The following THSD7B variants were observed in gnomAD, a reference collection of about 807,000 sequenced individuals.
The protein encoded by THSD7B is thrombospondin type 1 domain containing 7B, also known as thrombospondin type-1 domain-containing protein 7B.
In THSD7B, 138 loss-of-function variants were observed where a neutral mutation model predicts 213.6. The observed-to-expected ratio is 0.65, with a 90% CI of 0.56 to 0.74. The LOEUF (loss-of-function observed/expected upper bound fraction) is 0.74. Among genes scored for constraint, THSD7B ranks in the 30% least tolerant of loss-of-function variants. The pLI, the probability that THSD7B is intolerant of heterozygous loss-of-function variation, is 0.00. For synonymous variants in THSD7B, 742 were observed against 687.0 expected (o/e 1.08, Z -1.25); for missense variants, 1,931 against 1,991.5 (o/e 0.97, Z 0.58).
intron 7 of THSD7B, among the ~76,000 whole-genome samples, chr2:137,223,593 C>CA (rs1401346424): frequency 6.6e-6 from 1 of 151,972 alleles, no homozygotes; most frequent in Non-Finnish European, 1.5e-5. Flanking sequence ...TTTTTAGGAA[C>CA]AAAAAAAGCC....
At chr2:137,060,959 C>G (rs955119118) in intron 3 of THSD7B, among the ~76,000 whole-genome samples, 2 of 151,842 alleles carry the variant, frequency 1.3e-5, no homozygotes, top group Non-Finnish European at 2.9e-5. Flanking sequence ...ATTGATAATA[C>G]TGAGTCATCC....
chr2:137,487,212 CAA>C (rs1688472029), intron 15 of THSD7B, among the ~76,000 whole-genome samples: 3 of 145,696 alleles, frequency 2.1e-5, no homozygotes, highest in Admixed American at 2.0e-4. Flanking sequence ...ACTAAAAATA[CAA>C]AAAATTAGCC....
At chr2:136,842,140 A>T (rs903934842) in intron 1 of THSD7B, among the ~76,000 whole-genome samples, 20 of 152,316 alleles carry the variant, frequency 1.3e-4, no homozygotes, top group Non-Finnish European at 2.9e-4. Context: ...TTTAAAGAAC[A>T]TCTTGCACTC....
intron 1 of THSD7B, among the ~76,000 whole-genome samples, chr2:136,837,852 C>T (rs2104952984): frequency 6.6e-6 from 1 of 152,244 alleles, no homozygotes; most frequent in South Asian, 2.1e-4. Context: ...CAACAATATC[C>T]TGGTCCTTTT....
At chr2:137,318,681 G>T (rs1237360162) in intron 12 of THSD7B, among the ~76,000 whole-genome samples, 1 of 150,840 alleles carries the variant, frequency 6.6e-6, no homozygotes, top group South Asian at 2.1e-4. Context: ...CTAATTGTCT[G>T]TGTTTAACTT....
chr2:137,111,615 T>G (rs2104935008), intron 4 of THSD7B, among the ~76,000 whole-genome samples: 1 of 152,282 alleles, frequency 6.6e-6, no homozygotes, highest in African/African-American at 2.4e-5. Flanking sequence ...AGTTCATTAG[T>G]GCGGTGCCTG....
chr2:137,007,554 T>C (rs949503893), intron 2 of THSD7B, among the ~76,000 whole-genome samples: 7 of 152,170 alleles, frequency 4.6e-5, no homozygotes, highest in Admixed American at 1.3e-4. Flanking sequence ...GAAGATGGCT[T>C]GTAAAATTTG....
chr2:137,282,487 T>C (rs1199360113), intron 12 of THSD7B, among the ~76,000 whole-genome samples: 1 of 152,216 alleles, frequency 6.6e-6, no homozygotes, highest in Non-Finnish European at 1.5e-5. Flanking sequence ...CCTGTGCCTA[T>C]GTCCTGAATG....
intron 1 of THSD7B, among the ~76,000 whole-genome samples, chr2:136,867,145 G>A (rs1440322030): frequency 6.6e-6 from 1 of 152,144 alleles, no homozygotes; most frequent in Non-Finnish European, 1.5e-5. Context: ...GGATGCTGCA[G>A]AGTCCACAGG....
chr2:136,787,360 G>A (rs969772487), intron 1 of THSD7B, among the ~76,000 whole-genome samples: 3 of 151,470 alleles, frequency 2.0e-5, no homozygotes, highest in African/African-American at 7.3e-5. Context: ...CTCTTTTTTA[G>A]CTCTCTAGGT....
At chr2:137,614,021 G>T (rs1379571500) in intron 17 of THSD7B, among the ~76,000 whole-genome samples, 2 of 152,114 alleles carry the variant, frequency 1.3e-5, no homozygotes, top group African/African-American at 2.4e-5. Context: ...AATACTGCCT[G>T]AGATGAGGCT....
chr2:137,418,872 T>C (rs1441854660), intron 14 of THSD7B, among the ~76,000 whole-genome samples: 3 of 152,082 alleles, frequency 2.0e-5, no homozygotes, highest in Non-Finnish European at 4.4e-5. Context: ...GAGTTCATTC[T>C]GTATAGTGGC....
chr2:137,233,225 G>A, intron 9 of THSD7B, 92 bp downstream of exon 9: 2 of 1,218,384 alleles, frequency 1.6e-6, no homozygotes, highest in Non-Finnish European at 2.3e-6. Context: ...GATATTTCTG[G>A]GTCTCTGATA....
At chr2:137,544,900 A>G (rs958513337) in intron 15 of THSD7B, among the ~76,000 whole-genome samples, 6 of 151,822 alleles carry the variant, frequency 4.0e-5, no homozygotes, top group African/African-American at 1.4e-4. Flanking sequence ...TACTATTATG[A>G]GAAATAGCAG....
intron 4 of THSD7B, among the ~76,000 whole-genome samples, chr2:137,109,609 G>A (rs1487490166): frequency 4.6e-5 from 7 of 152,208 alleles, no homozygotes; most frequent in Middle Eastern, 3.4e-3. Context: ...CATAAGGAGC[G>A]CGCAACCTAG....
At chr2:137,629,521 A>C (rs1682700557) in intron 20 of THSD7B, among the ~76,000 whole-genome samples, 1 of 152,196 alleles carries the variant, frequency 6.6e-6, no homozygotes, top group Non-Finnish European at 1.5e-5. Context: ...ACAAAAACCC[A>C]TGCAAATTTC....
At chr2:137,093,240 G>A (rs546759267) in intron 3 of THSD7B, among the ~76,000 whole-genome samples, 4 of 147,978 alleles carry the variant, frequency 2.7e-5, no homozygotes, top group Admixed American at 1.3e-4. Context: ...AGCAGCTTTC[G>A]AAGAACCCTT....
chr2:137,318,267 T>C (rs936944110), intron 12 of THSD7B, among the ~76,000 whole-genome samples: 2 of 152,200 alleles, frequency 1.3e-5, no homozygotes, highest in Admixed American at 6.5e-5. Context: ...TCTCTAGCCA[T>C]CTCTGTGCAT....
At chr2:137,250,245 AATTTT>A (rs1333690481) in intron 10 of THSD7B, among the ~76,000 whole-genome samples, 4 of 152,156 alleles carry the variant, frequency 2.6e-5, no homozygotes, top group African/African-American at 4.8e-5. Flanking sequence ...TCTATTTTAA[AATTTT>A]ATTTTAATTT....
Sources: allele counts gnomAD v4.1 joint callset (sites outside exome capture counted in the v4.1 genomes callset), GRCh38; gene constraint gnomAD v4.1.1; transcripts MANE v1.5; gene names NCBI Gene and HGNC (gene_info 2026-07-23, HGNC 2026-07-21).